RBMS3: variants seen among roughly 807,000 people sequenced by gnomAD.
RBMS3 encodes RNA binding motif single stranded interacting protein 3, also known as RNA-binding motif, single-stranded-interacting protein 3.
In RBMS3, 27 loss-of-function variants were observed where a neutral mutation model predicts 66.8. The ratio of observed to expected loss-of-function variants is 0.40; its 90% CI spans 0.30 to 0.56. The LOEUF is 0.56. RBMS3 is among the 20% of genes least tolerant of loss of function. The pLI, the probability that RBMS3 is intolerant of heterozygous loss-of-function variation, is 0.40. For missense variants in RBMS3, 513 were observed against 549.5 expected, an observed-to-expected ratio of 0.93 and a Z score of 0.66; for synonymous variants, 188 against 183.0, an observed-to-expected ratio of 1.03 and a Z score of -0.22.
In RBMS3 at chr3:29,482,988, G is replaced by T. The variant is rs975265028; in HGVS notation, c.249-5453G>T. Reference sequence around the variant, plus strand: ...CCCAAAGTACTGGGATTACAGACGTGAGCCGCCGCCCCCAGCCTACCATTT... The same window carrying T: ...CCCAAAGTACTGGGATTACAGACGTTAGCCGCCGCCCCCAGCCTACCATTT... On this transcript the variant is annotated intron_variant, in intron 2 of 14. Transcript: ENST00000383767. Among the ~76,000 whole-genome samples the T allele has an allele frequency of 2.2e-4, 33 of 151,718 alleles. 1 individual carries two copies. Among genetic ancestry groups the T allele is most frequent in the African/African-American group, 6.8e-4 (28 of 41,324 alleles).
At chr3:29,510,316 A>T (rs543642161) in intron 3 of RBMS3, among the ~76,000 whole-genome samples, 1 of 151,962 alleles carries the variant, frequency 6.6e-6, no homozygotes, top group Non-Finnish European at 1.5e-5. Flanking sequence ...TACTCTCCCA[A>T]CGCGCTATAC....
intron 6 of RBMS3, among the ~76,000 whole-genome samples, chr3:29,840,781 C>T (rs944339031): frequency 1.3e-5 from 2 of 151,844 alleles, no homozygotes; most frequent in Non-Finnish European, 2.9e-5. Flanking sequence ...ATTTGTATTG[C>T]TTTCAGGTTT....
chr3:29,340,172 C>A (rs971037142), intron 1 of RBMS3, among the ~76,000 whole-genome samples: 3 of 151,954 alleles, frequency 2.0e-5, no homozygotes, highest in Non-Finnish European at 2.9e-5. Context: ...ATTTGTGGAG[C>A]CTAGTTCAAA....
At chr3:29,894,507 T>G (rs1384474079) in intron 8 of RBMS3, among the ~76,000 whole-genome samples, 1 of 151,456 alleles carries the variant, frequency 6.6e-6, no homozygotes, top group East Asian at 2.0e-4. Context: ...TGAGAGAGCC[T>G]GAGTGAGCTG....
chr3:29,993,950 G>C (rs990560882), intron 14 of RBMS3, among the ~76,000 whole-genome samples: 2 of 151,078 alleles, frequency 1.3e-5, no homozygotes, highest in African/African-American at 5.0e-5. Context: ...AATAGGAACA[G>C]CTCCAGTCTA....
intron 3 of RBMS3, among the ~76,000 whole-genome samples, chr3:29,578,617 A>G (rs1372840012): frequency 1.3e-5 from 2 of 152,062 alleles, no homozygotes; most frequent in East Asian, 1.9e-4. Context: ...AGAACCTTTT[A>G]TCAAAGATTT....
chr3:29,798,587 A>G (rs1048334653), intron 6 of RBMS3, among the ~76,000 whole-genome samples: 1 of 152,186 alleles, frequency 6.6e-6, no homozygotes, highest in Non-Finnish European at 1.5e-5. Context: ...ACAGAATGGA[A>G]TAGGAGGTGT....
rs2031763375 is a variant in RBMS3 at position 29,281,426 on chromosome 3, C to G, written c.-256C>G. 2.0e-6 allele frequency: 1 copy of G among 510,368 alleles called. No homozygotes were observed. The highest frequency in any genetic ancestry group is 2.7e-5 in the South Asian group (1 of 36,654). The allele number at this position is 510,368 out of a possible 1,614,324, so 31.6% of individuals were successfully genotyped here. A position where few individuals can be genotyped will look rare whatever the true frequency, so the allele number is the denominator to read the frequency against. On this transcript the variant is annotated 5_prime_UTR_variant, in exon 1 of 15. The change creates a new upstream start codon in the 5' untranslated region. Transcript: ENST00000383767. ...GCAGCTGGGGGAAGCCAGGCAAGATCTGGGAAGGCTGTGTGTGGGTGTTTT... is the reference window on the plus strand; with the variant it reads ...GCAGCTGGGGGAAGCCAGGCAAGATGTGGGAAGGCTGTGTGTGGGTGTTTT...
At chr3:29,892,417 T>C (rs1157554204) in intron 8 of RBMS3, among the ~76,000 whole-genome samples, 1 of 151,640 alleles carries the variant, frequency 6.6e-6, no homozygotes, top group African/African-American at 2.4e-5. Context: ...CATTGTAGCA[T>C]GTTTAGCAGC....
chr3:29,667,661 A>C (rs2050821558), intron 4 of RBMS3, among the ~76,000 whole-genome samples: 1 of 152,204 alleles, frequency 6.6e-6, no homozygotes, highest in African/African-American at 2.4e-5. Context: ...TTCTGAAGGA[A>C]AGTCTTCTGA....
intron 4 of RBMS3, among the ~76,000 whole-genome samples, chr3:29,710,606 A>G (rs761769954): frequency 2.0e-5 from 3 of 152,196 alleles, no homozygotes; most frequent in Non-Finnish European, 4.4e-5. Context: ...CTCAAAAGGA[A>G]TAGAATCAGC....
intron 1 of RBMS3, among the ~76,000 whole-genome samples, chr3:29,359,514 T>G (rs1448685763): frequency 2.6e-5 from 4 of 152,168 alleles, no homozygotes; most frequent in Admixed American, 6.5e-5. Flanking sequence ...TCTCTTTTTT[T>G]GTTGTGTCGC....
At chr3:29,865,035 A>AG (rs149869102) in intron 6 of RBMS3, among the ~76,000 whole-genome samples, 12,069 of 123,616 alleles carry the variant, frequency 0.098, 912 homozygotes, top group East Asian at 0.4. Flanking sequence ...AGAAGGAGGG[A>AG]GGGAGGAAGG....
intron 1 of RBMS3, among the ~76,000 whole-genome samples, chr3:29,368,320 A>T (rs1390389575): frequency 6.6e-6 from 1 of 152,192 alleles, no homozygotes; most frequent in Non-Finnish European, 1.5e-5. Flanking sequence ...ACCTGGGAAG[A>T]TGAAATTGTC....
chr3:29,464,309 A>G (rs1167484629), intron 2 of RBMS3, among the ~76,000 whole-genome samples: 1 of 152,192 alleles, frequency 6.6e-6, no homozygotes, highest in African/African-American at 2.4e-5. Context: ...ACCACCTTCT[A>G]AGGAAGCTGA....
chr3:29,670,823 G>C (rs1163178090), intron 4 of RBMS3, among the ~76,000 whole-genome samples: 1 of 152,208 alleles, frequency 6.6e-6, no homozygotes, highest in African/African-American at 2.4e-5. Flanking sequence ...CACCTCTGGG[G>C]GCAGGGCATA....
intron 7 of RBMS3, among the ~76,000 whole-genome samples, chr3:29,871,356 C>G (rs1310768023): frequency 6.6e-6 from 1 of 152,096 alleles, no homozygotes; most frequent in African/African-American, 2.4e-5. Flanking sequence ...AAGCCAGGAT[C>G]TGGGTCAGAT....
chr3:29,813,812 A>G (rs981339709), intron 6 of RBMS3, among the ~76,000 whole-genome samples: 5 of 151,978 alleles, frequency 3.3e-5, no homozygotes, highest in African/African-American at 9.7e-5. Flanking sequence ...AATGCTTGTG[A>G]TTTTTGTACA....
intron 1 of RBMS3, among the ~76,000 whole-genome samples, chr3:29,423,148 C>G (rs2040816215): frequency 1.3e-5 from 2 of 152,024 alleles, no homozygotes; most frequent in Admixed American, 1.3e-4. Flanking sequence ...GGTGGTTTCT[C>G]TTTTGGGATG....
Sources: allele counts gnomAD v4.1 joint callset (sites outside exome capture counted in the v4.1 genomes callset), GRCh38; gene constraint gnomAD v4.1.1; transcripts MANE v1.5; gene names NCBI Gene and HGNC (gene_info 2026-07-23, HGNC 2026-07-21).